The following ERBB4 variants were observed in gnomAD, a reference collection of about 807,000 sequenced individuals.
ERBB4 encodes the protein erb-b2 receptor tyrosine kinase 4, also known as receptor tyrosine-protein kinase erbB-4.
ERBB4 carries 42 observed loss-of-function variants against 158.0 expected under a neutral mutation model. The ratio of observed to expected loss-of-function variants is 0.27; its 90% CI spans 0.21 to 0.34. The LOEUF (loss-of-function observed/expected upper bound fraction) is 0.34, where lower values mean the gene tolerates loss of function less well. Ranked by LOEUF, ERBB4 falls within the 10% of genes least tolerant of loss-of-function variation. ERBB4 has a pLI of 1.00. For synonymous variants in ERBB4, 583 were observed against 558.7 expected, an observed-to-expected ratio of 1.04 and a Z score of -0.61; for missense variants, 1,333 against 1,624.1, an observed-to-expected ratio of 0.82 and a Z score of 3.08.
intron 3 of ERBB4, among the ~76,000 whole-genome samples, chr2:211,880,352 T>C (rs996582379): frequency 6.6e-6 from 1 of 152,206 alleles, no homozygotes; most frequent in African/African-American, 2.4e-5. Flanking sequence ...AATGTGTGTA[T>C]ATATCTTCCA....
chr2:211,679,271 G>T (rs1289556811), intron 12 of ERBB4, 87 bp from the exon 13 acceptor site: 1 of 1,475,728 alleles, frequency 6.8e-7, no homozygotes, highest in East Asian at 2.3e-5. Flanking sequence ...TTCTAAAGGA[G>T]TTCACTTAAA....
At chr2:212,045,911 C>G (rs2077250231) in intron 2 of ERBB4, among the ~76,000 whole-genome samples, 2 of 152,180 alleles carry the variant, frequency 1.3e-5, no homozygotes, top group Non-Finnish European at 1.5e-5. Context: ...AGCTATATCT[C>G]TAAGCACAAG....
chr2:211,938,896 A>G (rs532319741), intron 3 of ERBB4, among the ~76,000 whole-genome samples: 1 of 152,314 alleles, frequency 6.6e-6, no homozygotes, highest in South Asian at 2.1e-4. Context: ...CAGTAAAATT[A>G]AGTCTATTAA....
chr2:212,110,468 A>C, intron 2 of ERBB4, among the ~76,000 whole-genome samples: 1 of 152,170 alleles, frequency 6.6e-6, no homozygotes, highest in Admixed American at 6.6e-5. Context: ...GGGCTTTGAC[A>C]CTTTTCCAGC....
chr2:212,050,922 C>G (rs1446319985), intron 2 of ERBB4, among the ~76,000 whole-genome samples: 4 of 152,118 alleles, frequency 2.6e-5, no homozygotes, highest in Non-Finnish European at 5.9e-5. Flanking sequence ...GCCGTATGAA[C>G]AACTAGAGAA....
chr2:212,062,464 C>T (rs1337473746), intron 2 of ERBB4, among the ~76,000 whole-genome samples: 1 of 116,506 alleles, frequency 8.6e-6, no homozygotes, highest in Admixed American at 1.2e-4. Flanking sequence ...TGTTGCCAGG[C>T]TGGTGCAATC....
chr2:212,015,093 TATATATATATATATATATAA>T (rs1197030271), intron 2 of ERBB4, among the ~76,000 whole-genome samples: 2 of 64,164 alleles, frequency 3.1e-5, no homozygotes, highest in African/African-American at 6.9e-5. Flanking sequence ...TATATATATA[TATATATATATATATATATAA>T]AAATTAGCCG....
chr2:211,938,729 T>C (rs183221779), intron 3 of ERBB4, among the ~76,000 whole-genome samples: 174 of 152,220 alleles, frequency 1.1e-3, no homozygotes, highest in South Asian at 2.1e-3. Flanking sequence ...TAAATATTTG[T>C]CAGAAATATA....
At chr2:212,474,819 A>ATTTT (rs1295029698) in intron 1 of ERBB4, among the ~76,000 whole-genome samples, 1 of 72,192 alleles carries the variant, frequency 1.4e-5, no homozygotes, top group Non-Finnish European at 2.7e-5. Flanking sequence ...ACACCCGGCC[A>ATTTT]TTCTTTTTTT....
chr2:211,502,080 A>T (rs993833528), intron 20 of ERBB4, among the ~76,000 whole-genome samples: 3 of 152,150 alleles, frequency 2.0e-5, no homozygotes, highest in Admixed American at 2.0e-4. Flanking sequence ...TGAGTTCAAA[A>T]TGGTGGAATA....
rs898986120 is a variant in ERBB4 at position 211,549,196 on chromosome 2, T to C, written c.2487+12707A>G. 2.0e-5 allele frequency among the ~76,000 whole-genome samples: 3 copies of C among 152,092 alleles called. No homozygotes were observed. The East Asian group carries it at 5.8e-4, about 29-fold the overall frequency. ...GGTTTTTGTACTGCAAGATGTAAAA[T>C]TGCAATTTTGAAGCACCAGCACCCA... On this transcript the variant is annotated intron_variant, in intron 20 of 27. Coordinates refer to ENST00000342788, the MANE Select transcript of ERBB4 (RefSeq NM_005235.3).
chr2:212,345,482 C>T (rs2088952645), intron 1 of ERBB4, among the ~76,000 whole-genome samples: 1 of 152,008 alleles, frequency 6.6e-6, no homozygotes, highest in Admixed American at 6.6e-5. Context: ...ACATAGCTCT[C>T]TGATACGGTG....
intron 20 of ERBB4, among the ~76,000 whole-genome samples, chr2:211,458,413 C>T (rs756809391): frequency 6.6e-5 from 10 of 152,004 alleles, no homozygotes; most frequent in African/African-American, 2.2e-4. Flanking sequence ...ATTACAGGCA[C>T]GTGCCATCAC....
intron 1 of ERBB4, among the ~76,000 whole-genome samples, chr2:212,486,813 G>A (rs1245611370): frequency 6.6e-6 from 1 of 152,084 alleles, no homozygotes; most frequent in Non-Finnish European, 1.5e-5. Context: ...TTTGGTTTCA[G>A]AAAAATAACA....
At chr2:211,510,797 G>C (rs2065867082) in intron 20 of ERBB4, among the ~76,000 whole-genome samples, 1 of 151,882 alleles carries the variant, frequency 6.6e-6, no homozygotes, top group Admixed American at 6.6e-5. Context: ...AAATTTCTGA[G>C]ATCAGAGATG....
At chr2:211,581,978 C>G (rs2068120185) in intron 19 of ERBB4, among the ~76,000 whole-genome samples, 1 of 152,034 alleles carries the variant, frequency 6.6e-6, no homozygotes, top group South Asian at 2.1e-4. Flanking sequence ...CCATTGTACT[C>G]CAGCCTAGGT....
At chr2:212,149,092 C>G (rs1473220301) in intron 1 of ERBB4, among the ~76,000 whole-genome samples, 1 of 148,008 alleles carries the variant, frequency 6.8e-6, no homozygotes, top group African/African-American at 2.5e-5. Context: ...GTGCAGCACA[C>G]CAGCATGGCA....
chr2:212,301,272 TTTTC>T (rs937431227), intron 1 of ERBB4, among the ~76,000 whole-genome samples: 11 of 151,338 alleles, frequency 7.3e-5, no homozygotes, highest in East Asian at 1.9e-4. Flanking sequence ...CTATTTTTCC[TTTTC>T]TTTGTTTTTT....
intron 3 of ERBB4, among the ~76,000 whole-genome samples, chr2:211,877,817 A>T (rs1015473926): frequency 6.6e-6 from 1 of 152,188 alleles, no homozygotes; most frequent in Non-Finnish European, 1.5e-5. Context: ...TGTCGGTAAC[A>T]ATGCATCAGG....
Sources: gnomAD v4.1 joint callset for allele counts (sites outside exome capture counted in the v4.1 genomes callset) on GRCh38, gnomAD v4.1.1 for gene constraint, MANE v1.5 for transcripts, NCBI Gene and HGNC (gene_info 2026-07-23, HGNC 2026-07-21) for gene names.